The following COL26A1 variants were observed in gnomAD, a reference collection of about 807,000 sequenced individuals.
The protein encoded by COL26A1 is collagen type XXVI alpha 1 chain, also known as collagen alpha-1(XXVI) chain.
COL26A1 carries 41 observed loss-of-function variants against 59.3 expected under a neutral mutation model. The ratio of observed to expected loss-of-function variants is 0.69; its 90% confidence interval spans 0.54 to 0.90. The LOEUF is 0.90. Ranked by LOEUF, COL26A1 falls within the 40% of genes least tolerant of loss-of-function variation. COL26A1 has a pLI of 0.00. For synonymous variants in COL26A1, 266 were observed against 256.0 expected, an observed-to-expected ratio of 1.04 and a Z score of -0.37; for missense variants, 612 against 602.3, an observed-to-expected ratio of 1.02 and a Z score of -0.17.
At chr7:101,496,306 C>T (rs748081553) in intron 3 of COL26A1, among the ~76,000 whole-genome samples, 2 of 152,160 alleles carry the variant, frequency 1.3e-5, no homozygotes, top group African/African-American at 2.4e-5. Flanking sequence ...GTTCATTGCC[C>T]AATGCACACA....
Position 101,499,447 on chromosome 7 carries a change from C to T in COL26A1, c.386-33635C>T, listed in dbSNP as rs140459044. On this transcript the variant is annotated intron_variant, in intron 3 of 12. Coordinates refer to ENST00000313669, the MANE Select transcript of COL26A1 (RefSeq NM_001278563.3). ...CCTGTAATCCCAGCACTTTGGGAGG[C>T]CGAGGTGGGTGGATCACCTGAAGGT... Among the ~76,000 whole-genome samples, 1,363 of 152,228 alleles carry T rather than the reference C, an allele frequency of 9.0e-3. 18 individuals are homozygous for T. Among genetic ancestry groups the T allele is most frequent in the African/African-American group, 0.031 (1,276 of 41,536 alleles).
intron 3 of COL26A1, among the ~76,000 whole-genome samples, chr7:101,460,225 T>C (rs1184699292): frequency 3.3e-5 from 5 of 151,622 alleles, no homozygotes. Context: ...TGGTGGAGAG[T>C]GTGCAGGGGC....
At chr7:101,535,379 T>G (rs1795460680) in intron 4 of COL26A1, among the ~76,000 whole-genome samples, 1 of 152,180 alleles carries the variant, frequency 6.6e-6, no homozygotes, top group Non-Finnish European at 1.5e-5. Flanking sequence ...AGCCTCTGTG[T>G]GGTTTGGCAC....
chr7:101,362,456 C>T (rs778320344), upstream of COL26A1, among the ~76,000 whole-genome samples: 1 of 152,182 alleles, frequency 6.6e-6, no homozygotes, highest in Non-Finnish European at 1.5e-5. Flanking sequence ...GAACGCAGCG[C>T]TTTGATCCAA....
At position 101,416,351 on chromosome 7, in the gene COL26A1, C is replaced by G. The variant is rs566107953; in HGVS notation, c.159-3626C>G. Among the ~76,000 whole-genome samples the G allele has an allele frequency of 2.9e-4, 42 of 143,268 alleles. 3 individuals are homozygous for G. Among genetic ancestry groups the G allele is most frequent in the African/African-American group, 1.0e-3 (41 of 40,636 alleles). 94.0% of individuals were successfully genotyped at this position (143,268 alleles called of 152,430 possible). A position where few individuals can be genotyped will look rare whatever the true frequency, so the allele number is the denominator to read the frequency against. On this transcript the variant is annotated intron_variant, in intron 1 of 12. Coordinates refer to ENST00000313669, the MANE Select transcript of COL26A1 (RefSeq NM_001278563.3). ...AGGCTGTGGTGAGCCATGATCATGC[C>G]ACTACACTCCTGACCTCAAGTGATC...
Position 101,549,199 on chromosome 7 carries a change from AC to A in COL26A1, c.974del (p.Pro325GlnfsTer24). 1.2e-6 allele frequency: 2 copies of A among 1,604,470 alleles called. No individual in the cohort carries two copies. Among genetic ancestry groups the A allele is most frequent in the African/African-American group, 1.3e-5 (1 of 74,322 alleles). On this transcript the variant is annotated frameshift_variant, in exon 9 of 13. Coordinates refer to ENST00000313669, the MANE Select transcript of COL26A1 (RefSeq NM_001278563.3). LOFTEE classifies it high-confidence loss of function. ...GPPGPRGPPGPPGTPGSQGLA... is the reference protein window; with the variant it reads ...GPPGPRGPPGXPGTPGSQGLA... ...CCCCTGGGCCTCGAGGTCCCCCAGGACCCCCAGGAACACCTGGATCCCAGGT... is the reference window on the plus strand; with the variant it reads ...CCCCTGGGCCTCGAGGTCCCCCAGGACCCCAGGAACACCTGGATCCCAGGT...
intron 4 of COL26A1, among the ~76,000 whole-genome samples, chr7:101,536,251 A>G (rs997281097): frequency 1.3e-5 from 2 of 152,210 alleles, no homozygotes; most frequent in African/African-American, 4.8e-5. Context: ...CCTGACCTCA[A>G]GTGATCTGCT....
intron 8 of COL26A1, among the ~76,000 whole-genome samples, chr7:101,548,227 C>G (rs1795781320): frequency 6.6e-6 from 1 of 152,152 alleles, no homozygotes; most frequent in Non-Finnish European, 1.5e-5. Flanking sequence ...AACCTGGGAG[C>G]CAGGCCATGC....
chr7:101,366,474 ATTTTTTTTTTTTTTTTTTTTTTTT>A (rs869149636), intron 1 of COL26A1, among the ~76,000 whole-genome samples: 10 of 76,226 alleles, frequency 1.3e-4, no homozygotes, highest in East Asian at 3.7e-4. Flanking sequence ...TTAACGTCTG[ATTTTTTTTTTTTTTTTTTTTTTTT>A]TTTTTTTTTT....
chr7:101,440,778 C>T (rs779356063), intron 2 of COL26A1, among the ~76,000 whole-genome samples: 3 of 152,086 alleles, frequency 2.0e-5, no homozygotes, highest in East Asian at 1.9e-4. Flanking sequence ...CCAGCCTGGC[C>T]GACATGGTGA....
At position 101,552,319 on chromosome 7, in the gene COL26A1, C is replaced by G. The variant is rs1276723187; in HGVS notation, c.1030-1007C>G. Among the ~76,000 whole-genome samples, 5 of 152,294 alleles carry G rather than the reference C, an allele frequency of 3.3e-5. No individual in the cohort carries two copies. In the East Asian group the frequency reaches 9.6e-4, roughly 29 times the overall value. ...GTAGTAGCTGGACATTTACATGTTA[C>G]TGTGAGCTGGGCATGGTGGTGGCTC... On this transcript the variant is annotated intron_variant, in intron 10 of 12. Coordinates refer to ENST00000313669, the MANE Select transcript of COL26A1 (RefSeq NM_001278563.3).
At position 101,402,618 on chromosome 7, in the gene COL26A1, T is replaced by G. The variant is rs201947333; in HGVS notation, c.159-17359T>G. 2.9e-5 allele frequency among the ~76,000 whole-genome samples: 4 copies of G among 138,732 alleles called. No homozygotes were observed. The East Asian group carries it at 8.2e-4, about 28-fold the overall frequency. The allele number at this position is 138,732 out of a possible 152,430, so 91.0% of individuals were successfully genotyped here. A position where few individuals can be genotyped will look rare whatever the true frequency, so the allele number is the denominator to read the frequency against. On this transcript the variant is annotated intron_variant, in intron 1 of 12. Coordinates refer to ENST00000313669, the MANE Select transcript of COL26A1 (RefSeq NM_001278563.3). ...CCTTCCTTCTTTCCTTTCTTCTCTT[T>G]CTCTTTCTTTCTCCCCTCCCCTCCC... is the stretch of plus-strand genomic sequence containing the variant.
chr7:101,453,487 A>T (rs981245763), intron 3 of COL26A1, among the ~76,000 whole-genome samples: 3 of 152,218 alleles, frequency 2.0e-5, no homozygotes, highest in African/African-American at 7.2e-5. Context: ...ACTGATTATG[A>T]TGAGTTCCAG....
chr7:101,510,520 C>T (rs1156627523), intron 3 of COL26A1, among the ~76,000 whole-genome samples: 1 of 152,204 alleles, frequency 6.6e-6, no homozygotes, highest in African/African-American at 2.4e-5. Context: ...ACCTGCTATT[C>T]CTGCCTTCTG....
intron 3 of COL26A1, among the ~76,000 whole-genome samples, chr7:101,452,275 G>A (rs1020661987): frequency 2.6e-5 from 4 of 152,156 alleles, no homozygotes; most frequent in African/African-American, 7.2e-5. Flanking sequence ...AGGACCGTGG[G>A]AGGACAGTCC....
chr7:101,554,945 A>G (rs1349594509), intron 11 of COL26A1, among the ~76,000 whole-genome samples: 15 of 152,042 alleles, frequency 9.9e-5, no homozygotes, highest in Non-Finnish European at 5.9e-5. Flanking sequence ...CCTTTCTCCT[A>G]TAACCCAGTA....
At chr7:101,372,670 G>A (rs1446480163) in intron 1 of COL26A1, among the ~76,000 whole-genome samples, 1 of 152,108 alleles carries the variant, frequency 6.6e-6, no homozygotes, top group African/African-American at 2.4e-5. Context: ...ATTAGCTATT[G>A]CCTGACATAT....
intron 2 of COL26A1, among the ~76,000 whole-genome samples, chr7:101,443,693 A>G (rs1276447634): frequency 2.6e-5 from 4 of 152,144 alleles, no homozygotes; most frequent in Non-Finnish European, 5.9e-5. Flanking sequence ...TGCATTTTAT[A>G]TTCGCGATTC....
In COL26A1 at chr7:101,536,256, T is replaced by G. The variant is rs529174712; in HGVS notation, c.447+3113T>G. ...GTCTCAAACTCCTGACCTCAAGTGATCTGCTCGCCTTGGCCTCCCAGTGTT... is the reference window on the plus strand; with the variant it reads ...GTCTCAAACTCCTGACCTCAAGTGAGCTGCTCGCCTTGGCCTCCCAGTGTT... On this transcript the variant is annotated intron_variant, in intron 4 of 12. Transcript: ENST00000313669. Among the ~76,000 whole-genome samples the G allele has an allele frequency of 2.5e-3, 379 of 152,362 alleles. 2 individuals carry two copies. The highest frequency in any genetic ancestry group is 8.2e-3 in the African/African-American group (343 of 41,588).
Sources: gnomAD v4.1 joint callset for allele counts (sites outside exome capture counted in the v4.1 genomes callset) on GRCh38, gnomAD v4.1.1 for gene constraint, MANE v1.5 for transcripts, NCBI Gene and HGNC (gene_info 2026-07-23, HGNC 2026-07-21) for gene names.